The following HIVEP1 variants were observed in gnomAD, a reference collection of about 807,000 sequenced individuals.
HIVEP1 encodes HIVEP zinc finger 1.
HIVEP1 carries 36 observed loss-of-function variants against 180.0 expected under a neutral mutation model. That is an observed-to-expected ratio of 0.20 (90% CI 0.15 to 0.26). The LOEUF (loss-of-function observed/expected upper bound fraction) is 0.26, where lower values mean the gene tolerates loss of function less well. HIVEP1 is among the 10% of genes least tolerant of loss of function. The pLI, the probability that HIVEP1 is intolerant of heterozygous loss-of-function variation, is 1.00. For missense variants in HIVEP1, 3,143 were observed against 3,268.7 expected, an observed-to-expected ratio of 0.96 and a Z score of 0.94; for synonymous variants, 1,239 against 1,239.0, an observed-to-expected ratio of 1.00 and a Z score of 0.00.
intron 4 of HIVEP1, among the ~76,000 whole-genome samples, chr6:12,126,576 A>G (rs114622112): frequency 1.3e-5 from 2 of 152,378 alleles, no homozygotes; most frequent in Non-Finnish European, 2.9e-5. Flanking sequence ...TTAGAATAAT[A>G]GGTAAGCATA....
chr6:12,107,307 CAATG>C (rs1262546759), intron 3 of HIVEP1, among the ~76,000 whole-genome samples: 5 of 152,210 alleles, frequency 3.3e-5, no homozygotes, highest in African/African-American at 1.2e-4. Context: ...TCTAATAAAA[CAATG>C]AGAATACCTT....
At position 12,163,919 on chromosome 6, in the gene HIVEP1, G is replaced by A; in HGVS notation, c.7615G>A (p.Ala2539Thr). Residue 2539 changes from alanine to threonine, a missense_variant, in exon 9 of 9, where the codon GCA becomes ACA. Around this residue, in one of 12 missense-constraint regions of HIVEP1, gnomAD observed 595 missense variants for 602.2 expected, o/e 0.99. Transcript: ENST00000379388. ...ATCACAAAGCAGCCCCGCCCCTCAG[G>A]CACACATTCCAGGTCTCCAGATCTT... ...PSSQSSPAPQ[A>T]HIPGLQILNI... The A allele has an allele frequency of 6.2e-7, 1 of 1,614,118 alleles. No individual in the cohort carries two copies. Among genetic ancestry groups the A allele is most frequent in the South Asian group, 1.1e-5 (1 of 91,084 alleles).
chr6:12,107,235 G>C (rs1277013337), intron 3 of HIVEP1, among the ~76,000 whole-genome samples: 2 of 152,156 alleles, frequency 1.3e-5, no homozygotes, highest in Non-Finnish European at 2.9e-5. Context: ...TCAAAGTTAT[G>C]TTTACATTAT....
chr6:12,036,456 C>T (rs1769281705), intron 2 of HIVEP1, among the ~76,000 whole-genome samples: 1 of 152,208 alleles, frequency 6.6e-6, no homozygotes, highest in Non-Finnish European at 1.5e-5. Context: ...TAAGTAATTT[C>T]AGGCATCAAT....
Position 12,121,502 on chromosome 6 carries a change from T to C in HIVEP1, c.1707T>C (p.Thr569=), listed in dbSNP as rs1281976846. The C allele has an allele frequency of 9.9e-6, 16 of 1,614,112 alleles. No homozygotes were observed. The highest frequency in any genetic ancestry group is 1.4e-5 in the Non-Finnish European group (16 of 1,180,052). Residue 569 remains threonine (T), a synonymous_variant, in exon 4 of 9, where the codon ACT becomes ACC. Transcript: ENST00000379388. The surrounding 1 kb of genome is among the most constrained non-coding windows in gnomAD (Gnocchi z 5.3). ...ELPKVVVHHV[T]VSPLRTDSPK... Reference sequence around the variant, plus strand: ...CGAAAGTTGTGGTCCACCATGTCACTGTGTCCCCCTTAAGAACTGACAGTC... The same window carrying C: ...CGAAAGTTGTGGTCCACCATGTCACCGTGTCCCCCTTAAGAACTGACAGTC...
At chr6:12,062,070 A>G (rs1771275012) in intron 2 of HIVEP1, among the ~76,000 whole-genome samples, 1 of 152,204 alleles carries the variant, frequency 6.6e-6, no homozygotes, top group African/African-American at 2.4e-5. Context: ...TTAAAGAATA[A>G]CTAGTTGCCT....
At position 12,163,587 on chromosome 6, in the gene HIVEP1, T is replaced by A; in HGVS notation, c.7283T>A (p.Ile2428Asn). The A allele has an allele frequency of 6.2e-7, 1 of 1,614,188 alleles. No homozygotes were observed. Residue 2428 changes from isoleucine (I) to asparagine (N), a missense_variant, in exon 9 of 9, where the codon ATC becomes AAC. Ile to Asn is a moderately radical substitution (Grantham distance 149). This residue lies in a region of HIVEP1 where 595 missense variants were observed against 602.2 expected (regional missense o/e 0.99). Transcript: ENST00000379388. The part of the protein sequence containing the change: ...PLQAGPVQLT[I>N]PAVSVVHRTL... ...CAGGCTGGACCAGTGCAGCTCACGA[T>A]CCCTGCTGTCAGTGTCGTTCACAGA...
At chr6:12,128,519 G>A (rs540747058) in intron 4 of HIVEP1, among the ~76,000 whole-genome samples, 1 of 152,272 alleles carries the variant, frequency 6.6e-6, no homozygotes, top group South Asian at 2.1e-4. Flanking sequence ...AAAGTTGTGC[G>A]TTGCGTTGGA....
At chr6:12,162,042 C>A in intron 8 of HIVEP1, 113 bp downstream of exon 8, 1 of 950,496 alleles carries the variant, frequency 1.1e-6, no homozygotes, top group Non-Finnish European at 1.6e-6. Context: ...TAGGCCAAAT[C>A]AGTTTGTATA....
downstream of HIVEP1, among the ~76,000 whole-genome samples, chr6:12,168,015 CATGTAT>C (rs1213667101): frequency 2.7e-4 from 12 of 45,214 alleles, no homozygotes; most frequent in African/African-American, 8.7e-4. Flanking sequence ...TATACATGTA[CATGTAT>C]ATATGTATAT....
intron 2 of HIVEP1, among the ~76,000 whole-genome samples, chr6:12,041,204 A>G (rs1328016020): frequency 1.4e-4 from 21 of 151,856 alleles, no homozygotes; most frequent in Non-Finnish European, 4.4e-5. Flanking sequence ...GGCGGATCAC[A>G]AGGTCAGGAG....
At chr6:12,163,227 A>T (rs1760516153) in intron 8 of HIVEP1, 56 bp from the exon 9 acceptor site, 10 of 1,264,610 alleles carry the variant, frequency 7.9e-6, no homozygotes, top group Non-Finnish European at 1.0e-5. Flanking sequence ...CTAGCTTTAT[A>T]TCTCAGTGAT....
chr6:12,068,590 A>G (rs1485136829), intron 2 of HIVEP1, among the ~76,000 whole-genome samples: 1 of 152,164 alleles, frequency 6.6e-6, no homozygotes, highest in African/African-American at 2.4e-5. Flanking sequence ...AATACTTAAG[A>G]ATCTGACAGT....
At chr6:12,098,007 A>G (rs1773873004) in intron 3 of HIVEP1, among the ~76,000 whole-genome samples, 1 of 152,128 alleles carries the variant, frequency 6.6e-6, no homozygotes, top group Non-Finnish European at 1.5e-5. Flanking sequence ...GATTCATAGA[A>G]AGACTCACAT....
At chr6:12,189,227 A>C in the HIVEP1 span, among the ~76,000 whole-genome samples, 3 of 152,024 alleles carry the variant, frequency 2.0e-5, no homozygotes, top group Non-Finnish European at 2.9e-5. Flanking sequence ...ATAAATCATG[A>C]AAATACCAGT....
intron 3 of HIVEP1, among the ~76,000 whole-genome samples, chr6:12,102,005 G>A (rs1774141539): frequency 6.6e-6 from 1 of 152,112 alleles, no homozygotes; most frequent in Admixed American, 6.5e-5. Flanking sequence ...GAGGTAAAGA[G>A]GGACATTTTC....
At chr6:12,133,970 C>T (rs764770091) in intron 6 of HIVEP1, among the ~76,000 whole-genome samples, 4 of 149,754 alleles carry the variant, frequency 2.7e-5, no homozygotes, top group South Asian at 2.1e-4. Flanking sequence ...AGTAAGACTC[C>T]GTCTCAACCA....
At chr6:12,109,019 G>C (rs776715099) in intron 3 of HIVEP1, among the ~76,000 whole-genome samples, 4 of 151,828 alleles carry the variant, frequency 2.6e-5, no homozygotes, top group Non-Finnish European at 5.9e-5. Flanking sequence ...TCGCTCTGTC[G>C]CCCAGGCTGG....
rs1435471683 is a variant in HIVEP1, at chr6:12,063,081, A to G, written c.41-26103A>G. Among the ~76,000 whole-genome samples, 1 of 152,250 alleles carries G rather than the reference A, an allele frequency of 6.6e-6. No individual in the cohort carries two copies. Among genetic ancestry groups the G allele is most frequent in the South Asian group, 2.1e-4 (1 of 4,836 alleles). ...ATTATTCATGATTTAAAAATATAAT[A>G]TGCTAATCTAAATTATGTTTTACTC... On this transcript the variant is annotated intron_variant, in intron 2 of 8. Coordinates refer to ENST00000379388, the MANE Select transcript of HIVEP1 (RefSeq NM_002114.4). This position sits in a 1 kb window ranked among gnomAD's most constrained non-coding sequence, Gnocchi z 4.2.
Sources: allele counts gnomAD v4.1 joint callset (sites outside exome capture counted in the v4.1 genomes callset), GRCh38; gene constraint gnomAD v4.1.1; regional missense constraint gnomAD v4.1.1; non-coding constraint Gnocchi (gnomAD v3.1); transcripts MANE v1.5; gene names NCBI Gene and HGNC (gene_info 2026-07-23, HGNC 2026-07-21).